Variants in STX11 observed in about 807,000 individuals in gnomAD.
STX11 encodes the protein syntaxin 11.
A neutral mutation model predicts 19.9 loss-of-function variants in STX11; 21 were observed. The observed-to-expected ratio is 1.06, with a 90% CI of 0.75 to 1.52. The LOEUF is 1.52. Ranked by LOEUF, STX11 falls within the 40% of genes most tolerant of loss-of-function variation. The pLI, the probability that STX11 is intolerant of heterozygous loss-of-function variation, is 0.00. For synonymous variants in STX11, 193 were observed against 174.4 expected, an observed-to-expected ratio of 1.11 and a Z score of -0.84; for missense variants, 438 against 405.9, an observed-to-expected ratio of 1.08 and a Z score of -0.68.
rs1203482353 is a variant in STX11, at chr6:144,175,815, G to T, written c.-5-10808G>T. ...TACCCACCTGACTTCCACACCCGTG[G>T]AGAAATAAGAAAGGAAAAGCAGTCA... On this transcript the variant is annotated intron_variant, in intron 1 of 1. Coordinates refer to ENST00000367568, the MANE Select transcript of STX11 (RefSeq NM_003764.4). The surrounding 1 kb of genome is among the most constrained non-coding windows in gnomAD (Gnocchi z 5.1). 6.6e-6 allele frequency among the ~76,000 whole-genome samples: 1 copy of T among 152,182 alleles called. No individual in the cohort carries two copies. Among genetic ancestry groups the T allele is most frequent in the Non-Finnish European group, 1.5e-5 (1 of 68,036 alleles).
chr6:144,187,989 A>G lies in STX11; in HGVS notation c.*498A>G. The G allele has an allele frequency of 3.5e-6, 1 of 284,258 alleles. No individual in the cohort carries two copies. Among genetic ancestry groups the G allele is most frequent in the East Asian group, 5.4e-5 (1 of 18,456 alleles). 17.6% of individuals were successfully genotyped at this position (284,258 alleles called of 1,614,324 possible). A position where few individuals can be genotyped will look rare whatever the true frequency, so the allele number is the denominator to read the frequency against. On this transcript the variant is annotated 3_prime_UTR_variant, in exon 2 of 2. Transcript: ENST00000367568. The surrounding 1 kb of genome is among the most constrained non-coding windows in gnomAD (Gnocchi z 5.6). ...CCACGTTCTTCCTTTCCGATTCTTC[A>G]TCCGGTCTACGCTATGCAATTCCTC...
Position 144,155,688 on chromosome 6 carries a change from A to G in STX11, c.-6+4985A>G, listed in dbSNP as rs1022439234. ...AATAGCTAGAGTTGGGGGCTCTGTT[A>G]AGCCACCTCTAAGGCTCCTCCCCGT... On this transcript the variant is annotated intron_variant, in intron 1 of 1. Transcript: ENST00000367568. This position sits in a 1 kb window ranked among gnomAD's most constrained non-coding sequence, Gnocchi z 4.5. Among the ~76,000 whole-genome samples the G allele has an allele frequency of 5.3e-5, 8 of 152,210 alleles. No homozygotes were observed. Among genetic ancestry groups the G allele is most frequent in the African/African-American group, 1.9e-4 (8 of 41,452 alleles).
chr6:144,157,414 G>A (rs1392781476), intron 1 of STX11, among the ~76,000 whole-genome samples: 5 of 152,116 alleles, frequency 3.3e-5, no homozygotes, highest in African/African-American at 1.2e-4. Flanking sequence ...CTAGTACCTG[G>A]GGGACTGAGG....
chr6:144,143,583 T>C, the STX11 span, among the ~76,000 whole-genome samples: 1 of 152,114 alleles, frequency 6.6e-6, no homozygotes, highest in Non-Finnish European at 1.5e-5. Context: ...TACACGAACT[T>C]CTATTTGGAA....
At chr6:144,141,127 C>T in the STX11 span, among the ~76,000 whole-genome samples, 2 of 152,176 alleles carry the variant, frequency 1.3e-5, no homozygotes, top group Non-Finnish European at 2.9e-5. Context: ...AATACTTTTG[C>T]AACTTGTTAT....
In STX11 at chr6:144,160,437, A is replaced by G. The variant is rs1164868550; in HGVS notation, c.-6+9734A>G. On this transcript the variant is annotated intron_variant, in intron 1 of 1. Coordinates refer to ENST00000367568, the MANE Select transcript of STX11 (RefSeq NM_003764.4). The surrounding 1 kb of genome is among the most constrained non-coding windows in gnomAD (Gnocchi z 4.3). ...CTGCTGCAATTTATTTACATTTATT[A>G]TATTCAATAGATAAAGGACCTTAAG... is the stretch of plus-strand genomic sequence containing the variant. 6.6e-6 allele frequency among the ~76,000 whole-genome samples: 1 copy of G among 152,196 alleles called. No individual in the cohort carries two copies. Among genetic ancestry groups the G allele is most frequent in the Non-Finnish European group, 1.5e-5 (1 of 68,038 alleles).
chr6:144,175,463 C>T lies in STX11; in HGVS notation c.-5-11160C>T, dbSNP rs1459504210. Among the ~76,000 whole-genome samples the T allele has an allele frequency of 2.0e-5, 3 of 152,142 alleles. No individual in the cohort carries two copies. Among genetic ancestry groups the T allele is most frequent in the African/African-American group, 4.8e-5 (2 of 41,434 alleles). On this transcript the variant is annotated intron_variant, in intron 1 of 1. Transcript: ENST00000367568. This position sits in a 1 kb window ranked among gnomAD's most constrained non-coding sequence, Gnocchi z 5.1. ...CTGGGACTACAGGTATATGCCACCACGCCCAGCTGATTTTTGTATTTTCAG... is the reference window on the plus strand; with the variant it reads ...CTGGGACTACAGGTATATGCCACCATGCCCAGCTGATTTTTGTATTTTCAG...
In STX11 at chr6:144,186,863, TCAG is replaced by T; in HGVS notation, c.242_244del (p.Ser81del). The T allele has an allele frequency of 1.2e-6, 2 of 1,612,908 alleles. No individual in the cohort carries two copies. Among genetic ancestry groups the T allele is most frequent in the South Asian group, 2.2e-5 (2 of 91,088 alleles). On this transcript the variant is annotated inframe_deletion, in exon 2 of 2. Coordinates refer to ENST00000367568, the MANE Select transcript of STX11 (RefSeq NM_003764.4). ...CGCTTCCTCACGTCCATGCGGCGCC[TCAG>T]CAGCATCAAGCGCGACACCAACTCC...
In STX11 at chr6:144,187,476, T is replaced by G. The variant is rs1210970210; in HGVS notation, c.849T>G (p.Cys283Trp). 5.6e-6 allele frequency: 9 copies of G among 1,612,242 alleles called. No individual in the cohort carries two copies. The highest frequency in any genetic ancestry group is 7.6e-6 in the Non-Finnish European group (9 of 1,179,918). ...NPCRTLCCFC[C>W]PCLK ...GCCGGACCCTCTGCTGCTTCTGCTGTCCCTGCCTCAAGTAGCAGGCCGGCC... is the reference window on the plus strand; with the variant it reads ...GCCGGACCCTCTGCTGCTTCTGCTGGCCCTGCCTCAAGTAGCAGGCCGGCC... The change falls in exon 2 of 2, where the codon TGT becomes TGG. Residue 283 changes from cysteine (C) to tryptophan (W), a missense_variant. By Grantham distance (215) the Cys-to-Trp change is radical (BLOSUM62 -2). Coordinates refer to ENST00000367568, the MANE Select transcript of STX11 (RefSeq NM_003764.4). The surrounding 1 kb of genome is among the most constrained non-coding windows in gnomAD (Gnocchi z 5.6).
intron 1 of STX11, among the ~76,000 whole-genome samples, chr6:144,158,300 T>C (rs1801230519): frequency 6.6e-6 from 1 of 152,238 alleles, no homozygotes; most frequent in Admixed American, 6.5e-5. Context: ...AAATTCTTGA[T>C]GTGGCCAACA....
At chr6:144,145,983 A>G (rs1225656934), upstream of STX11, among the ~76,000 whole-genome samples, 1 of 152,220 alleles carries the variant, frequency 6.6e-6, no homozygotes, top group Admixed American at 6.5e-5. Context: ...TCACAACCAT[A>G]TAAGAAGTTT....
the STX11 span, among the ~76,000 whole-genome samples, chr6:144,141,733 C>T: frequency 6.6e-6 from 1 of 151,942 alleles, no homozygotes; most frequent in South Asian, 2.1e-4. Flanking sequence ...GGCTGGAGTG[C>T]ACTTGTGCAA....
upstream of STX11, among the ~76,000 whole-genome samples, chr6:144,147,003 T>C (rs1322376965): frequency 1.3e-5 from 2 of 152,214 alleles, no homozygotes; most frequent in East Asian, 3.8e-4. The surrounding 1 kb of genome is among the most constrained non-coding windows in gnomAD (Gnocchi z 4.2). Flanking sequence ...CTCTTTCTTC[T>C]GTTTTACCCT....
chr6:144,166,660 G>A (rs1445675970), intron 1 of STX11, among the ~76,000 whole-genome samples: 2 of 151,538 alleles, frequency 1.3e-5, no homozygotes, highest in South Asian at 2.1e-4. Context: ...CAAGTAGCTG[G>A]GACTACAGGC....
In STX11 at chr6:144,166,349, T is replaced by C. The variant is rs142327865; in HGVS notation, c.-6+15646T>C. Among the ~76,000 whole-genome samples, 8 of 152,274 alleles carry C rather than the reference T, an allele frequency of 5.3e-5. No individual in the cohort carries two copies. The East Asian group carries it at 1.3e-3, about 26-fold the overall frequency. On this transcript the variant is annotated intron_variant, in intron 1 of 1. Coordinates refer to ENST00000367568, the MANE Select transcript of STX11 (RefSeq NM_003764.4). Reference sequence around the variant, plus strand: ...AGTCTTAAAGACATCAGTCCTCAGATTGGCTTAGATGCTTCAAGATTTTCA... The same window carrying C: ...AGTCTTAAAGACATCAGTCCTCAGACTGGCTTAGATGCTTCAAGATTTTCA...
upstream of STX11, among the ~76,000 whole-genome samples, chr6:144,149,293 A>C (rs1800935007): frequency 6.6e-6 from 1 of 152,042 alleles, no homozygotes; most frequent in South Asian, 2.1e-4. The surrounding 1 kb of genome is among the most constrained non-coding windows in gnomAD (Gnocchi z 5.1). Context: ...TTATTTATTC[A>C]ATTATTTATT....
At position 144,162,869 on chromosome 6, in the gene STX11, T is replaced by G. The variant is rs1427176168; in HGVS notation, c.-6+12166T>G. Among the ~76,000 whole-genome samples, 2 of 152,228 alleles carry G rather than the reference T, an allele frequency of 1.3e-5. No individual in the cohort carries two copies. Among genetic ancestry groups the G allele is most frequent in the Non-Finnish European group, 2.9e-5 (2 of 68,040 alleles). ...AAGTGTGTATGTTTACCAACATGAG[T>G]GACAACATAAGTATTATCTAAGAAA... On this transcript the variant is annotated intron_variant, in intron 1 of 1. Coordinates refer to ENST00000367568, the MANE Select transcript of STX11 (RefSeq NM_003764.4). This position sits in a 1 kb window ranked among gnomAD's most constrained non-coding sequence, Gnocchi z 4.6.
At position 144,160,565 on chromosome 6, in the gene STX11, A is replaced by T. The variant is rs1236048488; in HGVS notation, c.-6+9862A>T. ...TTTAACCTGACATCACAAAGCAAAT[A>T]GGCCAAGTGCTAACATGTGCATATT... On this transcript the variant is annotated intron_variant, in intron 1 of 1. Transcript: ENST00000367568. The surrounding 1 kb of genome is among the most constrained non-coding windows in gnomAD (Gnocchi z 4.3). 1.3e-5 allele frequency among the ~76,000 whole-genome samples: 2 copies of T among 152,218 alleles called. No homozygotes were observed. Among genetic ancestry groups the T allele is most frequent in the Non-Finnish European group, 2.9e-5 (2 of 68,038 alleles).
In STX11 at chr6:144,165,316, G is replaced by A. The variant is rs749484975; in HGVS notation, c.-6+14613G>A. On this transcript the variant is annotated intron_variant, in intron 1 of 1. Coordinates refer to ENST00000367568, the MANE Select transcript of STX11 (RefSeq NM_003764.4). The surrounding 1 kb of genome is among the most constrained non-coding windows in gnomAD (Gnocchi z 5.8). ...CTAAAAAATACAAAATTAGCGGGGC[G>A]TGGTGGTGCATGTCTGTAATCCCAG... Among the ~76,000 whole-genome samples the A allele has an allele frequency of 3.3e-5, 5 of 152,150 alleles. No homozygotes were observed. Among genetic ancestry groups the A allele is most frequent in the Middle Eastern group, 3.4e-3 (1 of 294 alleles).
Sources: allele counts gnomAD v4.1 joint callset (sites outside exome capture counted in the v4.1 genomes callset), GRCh38; gene constraint gnomAD v4.1.1; non-coding constraint Gnocchi (gnomAD v3.1); transcripts MANE v1.5; gene names NCBI Gene and HGNC (gene_info 2026-07-23, HGNC 2026-07-21).